Variants in SNTG1 observed in about 807,000 individuals in gnomAD.
SNTG1 encodes syntrophin gamma 1.
A neutral mutation model predicts 74.7 loss-of-function variants in SNTG1; 39 were observed. The observed-to-expected ratio is 0.52, with a 90% CI of 0.40 to 0.68. SNTG1 has a LOEUF of 0.68. Ranked by LOEUF, SNTG1 falls within the 30% of genes least tolerant of loss-of-function variation. The pLI, the probability that SNTG1 is intolerant of heterozygous loss-of-function variation, is 0.00. For synonymous variants in SNTG1, 254 were observed against 217.1 expected, an observed-to-expected ratio of 1.17 and a Z score of -1.49; for missense variants, 685 against 609.5, an observed-to-expected ratio of 1.12 and a Z score of -1.30.
chr8:50,687,942 G>A (rs1340115123), intron 15 of SNTG1, among the ~76,000 whole-genome samples: 4 of 152,064 alleles, frequency 2.6e-5, no homozygotes, highest in African/African-American at 4.8e-5. Context: ...TTTAATGATC[G>A]CCATTCTCAC....
intron 1 of SNTG1, among the ~76,000 whole-genome samples, chr8:50,023,956 C>T (rs554547040): frequency 6.6e-6 from 1 of 152,216 alleles, no homozygotes; most frequent in East Asian, 1.9e-4. Flanking sequence ...CATGGGATTT[C>T]AGGCTCTGGG....
At chr8:50,345,887 G>A (rs2091459331) in intron 2 of SNTG1, among the ~76,000 whole-genome samples, 1 of 152,110 alleles carries the variant, frequency 6.6e-6, no homozygotes, top group African/African-American at 2.4e-5. Flanking sequence ...CATTTTCAAT[G>A]CAGTTAATTT....
At chr8:50,592,859 C>T (rs1052434683) in intron 13 of SNTG1, among the ~76,000 whole-genome samples, 1 of 151,964 alleles carries the variant, frequency 6.6e-6, no homozygotes, top group Non-Finnish European at 1.5e-5. Context: ...GACTTTTTTC[C>T]TTACTACTTC....
At chr8:50,685,055 A>T (rs542556750) in intron 15 of SNTG1, among the ~76,000 whole-genome samples, 48 of 152,186 alleles carry the variant, frequency 3.2e-4, no homozygotes, top group Admixed American at 2.6e-4. Flanking sequence ...GGAAAGCTAA[A>T]TCTAAGACTT....
intron 1 of SNTG1, among the ~76,000 whole-genome samples, chr8:50,079,150 G>A (rs939060815): frequency 6.6e-6 from 1 of 152,172 alleles, no homozygotes; most frequent in African/African-American, 2.4e-5. Flanking sequence ...TTCCACAATG[G>A]TTGAACTAAT....
chr8:50,331,006 T>G lies in SNTG1; in HGVS notation c.-27-63206T>G, dbSNP rs542124304. The stretch of plus-strand genomic sequence containing the variant: ...TGAGGAGAAACAGGATATAATTCTT[T>G]TTTTTGCTTCTCTACAGGTAATATT... On this transcript the variant is annotated intron_variant, in intron 2 of 18. Coordinates refer to ENST00000642720, the MANE Select transcript of SNTG1 (RefSeq NM_018967.5). Among the ~76,000 whole-genome samples the G allele has an allele frequency of 1.4e-4, 21 of 152,328 alleles. No individual in the cohort carries two copies. In the South Asian group the frequency reaches 4.1e-3, roughly 30 times the overall value.
At chr8:50,023,186 A>G (rs2130693387) in intron 1 of SNTG1, among the ~76,000 whole-genome samples, 1 of 152,208 alleles carries the variant, frequency 6.6e-6, no homozygotes, top group South Asian at 2.1e-4. Flanking sequence ...GTGGAGAGGG[A>G]CAGATGGAAG....
Position 50,314,776 on chromosome 8 carries a change from T to TG in SNTG1, c.-27-79436_-27-79435insG, listed in dbSNP as rs1328086958. 1.9e-4 allele frequency among the ~76,000 whole-genome samples: 29 copies of TG among 150,226 alleles called. 7 individuals are homozygous for TG. Among genetic ancestry groups the TG allele is most frequent in the African/African-American group, 6.9e-4 (28 of 40,430 alleles). ...GGACAATTTCAAATTTTATTTCTTT[T>TG]AAAAGATTTGTGTAATCTCCCCAGT... On this transcript the variant is annotated intron_variant, in intron 2 of 18. Coordinates refer to ENST00000642720, the MANE Select transcript of SNTG1 (RefSeq NM_018967.5).
chr8:50,788,585 C>CA (rs1280361674), intron 18 of SNTG1, among the ~76,000 whole-genome samples: 1 of 151,722 alleles, frequency 6.6e-6, no homozygotes, highest in Admixed American at 6.6e-5. Flanking sequence ...TGCAAAAATT[C>CA]AAAAAATTGC....
chr8:50,291,412 T>C lies in SNTG1; in HGVS notation c.-27-102800T>C, dbSNP rs540406309. Among the ~76,000 whole-genome samples the C allele has an allele frequency of 8.6e-4, 131 of 152,050 alleles. 1 individual carries two copies. The highest frequency in any genetic ancestry group is 1.6e-3 in the Non-Finnish European group (106 of 67,970). On this transcript the variant is annotated intron_variant, in intron 2 of 18. Coordinates refer to ENST00000642720, the MANE Select transcript of SNTG1 (RefSeq NM_018967.5). ...TATTTGAGCAAAGACCTGAATCAAGTGGGGTAACTATTCTGGGAAAAACTT... is the reference window on the plus strand; with the variant it reads ...TATTTGAGCAAAGACCTGAATCAAGCGGGGTAACTATTCTGGGAAAAACTT...
intron 2 of SNTG1, among the ~76,000 whole-genome samples, chr8:50,311,325 G>A (rs1350978885): frequency 6.6e-6 from 1 of 152,124 alleles, no homozygotes; most frequent in Non-Finnish European, 1.5e-5. Context: ...CTTTAGGAAA[G>A]GTTATGTTCC....
At chr8:50,323,337 G>A (rs2090606311) in intron 2 of SNTG1, among the ~76,000 whole-genome samples, 1 of 152,070 alleles carries the variant, frequency 6.6e-6, no homozygotes, top group African/African-American at 2.4e-5. Flanking sequence ...CTCCAGGATT[G>A]CTCCCTGGTG....
intron 18 of SNTG1, among the ~76,000 whole-genome samples, chr8:50,788,219 G>A (rs2095681304): frequency 6.6e-6 from 1 of 151,988 alleles, no homozygotes; most frequent in South Asian, 2.1e-4. Context: ...AAGAAGAGAT[G>A]ACAATCACAG....
intron 2 of SNTG1, among the ~76,000 whole-genome samples, chr8:50,203,871 T>G (rs1390949507): frequency 2.6e-5 from 4 of 152,118 alleles, no homozygotes; most frequent in Non-Finnish European, 5.9e-5. Context: ...CAATGTAGGA[T>G]GACTAGAAAT....
intron 15 of SNTG1, among the ~76,000 whole-genome samples, chr8:50,697,066 G>T (rs1367408756): frequency 1.3e-5 from 2 of 151,834 alleles, no homozygotes; most frequent in African/African-American, 2.4e-5. Context: ...TAATTCTATT[G>T]ATCCATAAGT....
At chr8:50,767,756 ACTTTT>A (rs547241849) in intron 18 of SNTG1, among the ~76,000 whole-genome samples, 50 of 152,022 alleles carry the variant, frequency 3.3e-4, no homozygotes, top group African/African-American at 1.2e-3. Flanking sequence ...GAGTCACAAT[ACTTTT>A]CTTTACTGCC....
At chr8:50,390,201 G>A (rs1180210372) in intron 2 of SNTG1, among the ~76,000 whole-genome samples, 1 of 152,086 alleles carries the variant, frequency 6.6e-6, no homozygotes, top group South Asian at 2.1e-4. Flanking sequence ...TTCTTCTAGG[G>A]TTTTTATAGT....
chr8:50,720,519 G>T (rs2095485221), intron 17 of SNTG1, among the ~76,000 whole-genome samples: 1 of 152,174 alleles, frequency 6.6e-6, no homozygotes. Context: ...GAAAAGGACA[G>T]ATCTAGAATT....
chr8:50,703,853 G>A (rs2095434533), intron 15 of SNTG1, among the ~76,000 whole-genome samples: 1 of 152,064 alleles, frequency 6.6e-6, no homozygotes, highest in African/African-American at 2.4e-5. Context: ...CGCATATGCA[G>A]TTCATCATTA....
Sources: gnomAD v4.1 joint callset for allele counts (sites outside exome capture counted in the v4.1 genomes callset) on GRCh38, gnomAD v4.1.1 for gene constraint, MANE v1.5 for transcripts, NCBI Gene and HGNC (gene_info 2026-07-23, HGNC 2026-07-21) for gene names.